ANGPT2: variants seen among roughly 807,000 people sequenced by gnomAD.
ANGPT2 encodes the protein angiopoietin-2.
ANGPT2 carries 28 observed loss-of-function variants against 62.9 expected under a neutral mutation model. The observed-to-expected ratio is 0.44, with a 90% CI of 0.33 to 0.61. The LOEUF is 0.61. Among genes scored for constraint, ANGPT2 ranks in the 20% least tolerant of loss-of-function variants. The pLI is 0.03. For synonymous variants in ANGPT2, 284 were observed against 207.8 expected, an observed-to-expected ratio of 1.37 and a Z score of -3.15; for missense variants, 727 against 594.9, an observed-to-expected ratio of 1.22 and a Z score of -2.31.
chr8:6,540,404 A>G (rs2129573652), intron 1 of ANGPT2, among the ~76,000 whole-genome samples: 1 of 152,304 alleles, frequency 6.6e-6, no homozygotes, highest in South Asian at 2.1e-4. Context: ...AACCTCATGT[A>G]AATTTCTTTG....
intron 1 of ANGPT2, among the ~76,000 whole-genome samples, chr8:6,543,829 C>G (rs1045773330): frequency 6.6e-6 from 1 of 152,136 alleles, no homozygotes; most frequent in Non-Finnish European, 1.5e-5. Context: ...ATAATTTAAA[C>G]CCCCTGTGTG....
Position 6,559,858 on chromosome 8 carries a change from A to G in ANGPT2, c.288+2789T>C, listed in dbSNP as rs577058711. On this transcript the variant is annotated intron_variant, in intron 1 of 8. Coordinates refer to ENST00000629816, the MANE Select transcript of ANGPT2 (RefSeq NM_001118887.2). ...CAGTGTGTTTTGTGTGCTAGCGATC[A>G]TGAGTTTATCTGATCCTTGTTTAAC... Among the ~76,000 whole-genome samples, 10 of 152,362 alleles carry G rather than the reference A, an allele frequency of 6.6e-5. No homozygotes were observed. In the South Asian group the frequency reaches 1.7e-3, roughly 25 times the overall value.
rs1195079492 is a variant in ANGPT2 at position 6,501,333 on chromosome 8, C to A, written c.*1768G>T. ...ATGGTAGAACACTGTAAGGTGAAGA[C>A]AGACATATAGTAGATGCTAGTTACA... On this transcript the variant is annotated 3_prime_UTR_variant, in exon 9 of 9. Coordinates refer to ENST00000629816, the MANE Select transcript of ANGPT2 (RefSeq NM_001118887.2). The A allele has an allele frequency of 5.9e-5, 9 of 152,144 alleles. No individual in the cohort carries two copies. The highest frequency in any genetic ancestry group is 5.9e-4 in the Admixed American group (9 of 15,278). 9.4% of individuals were successfully genotyped at this position (152,144 alleles called of 1,614,324 possible).
chr8:6,560,183 T>G (rs1365021482), intron 1 of ANGPT2, among the ~76,000 whole-genome samples: 1 of 152,220 alleles, frequency 6.6e-6, no homozygotes, highest in East Asian at 1.9e-4. Context: ...TCTTTCATTT[T>G]TAGTGCTGAT....
intron 1 of ANGPT2, among the ~76,000 whole-genome samples, chr8:6,540,659 T>C (rs908345804): frequency 3.3e-5 from 5 of 152,248 alleles, no homozygotes; most frequent in Admixed American, 3.3e-4. Context: ...AATGACAAAA[T>C]GCTTCTCAGT....
intron 7 of ANGPT2, among the ~76,000 whole-genome samples, 196 bp downstream of exon 7, chr8:6,513,482 A>G (rs575982216): frequency 3.3e-4 from 50 of 151,724 alleles, no homozygotes; most frequent in Admixed American, 1.8e-3. Context: ...ACAGGCGCCC[A>G]CCACCACACC....
At chr8:6,510,383 C>T (rs1260746811) in intron 7 of ANGPT2, among the ~76,000 whole-genome samples, 5 of 152,158 alleles carry the variant, frequency 3.3e-5, no homozygotes, top group African/African-American at 1.2e-4. Context: ...GTACTTGAAG[C>T]ACCAAGATGA....
chr8:6,535,892 CAAA>C (rs373792367), intron 1 of ANGPT2, among the ~76,000 whole-genome samples: 20 of 130,816 alleles, frequency 1.5e-4, no homozygotes, highest in Admixed American at 2.3e-4. Context: ...ACAAAAAATA[CAAA>C]AAAAAAAAAA....
intron 8 of ANGPT2, chr8:6,507,924 C>G (rs943835726): frequency 6.6e-6 from 1 of 152,134 alleles, no homozygotes; most frequent in Non-Finnish European, 1.5e-5. Context: ...TATGTTTGAA[C>G]TCTCAAATGT....
intron 2 of ANGPT2, among the ~76,000 whole-genome samples, chr8:6,530,723 G>C (rs1035702475): frequency 6.6e-6 from 1 of 152,056 alleles, no homozygotes; most frequent in Non-Finnish European, 1.5e-5. Flanking sequence ...GAAAGACCTG[G>C]TAGTCAAGTA....
In ANGPT2 at chr8:6,527,669, T is replaced by C; in HGVS notation, c.452A>G (p.Asn151Ser). 1 of 1,612,176 alleles carries C rather than the reference T, an allele frequency of 6.2e-7. No homozygotes were observed. Among genetic ancestry groups the C allele is most frequent in the Non-Finnish European group, 8.5e-7 (1 of 1,179,304 alleles). ...CTGAAGTTCAAGTCTCGTGGTCTGA[T>C]TTAATACCTAAATGTAACAAAATGA... ...KLTDVEAQVL[N>S]QTTRLELQLL... is the part of the protein sequence containing the mutation. The change falls in exon 3 of 9, where the codon AAT becomes AGT. Residue 151 changes from asparagine to serine, a missense_variant. Coordinates refer to ENST00000629816, the MANE Select transcript of ANGPT2 (RefSeq NM_001118887.2).
chr8:6,504,702 TAGA>T (rs1812926648), intron 8 of ANGPT2, among the ~76,000 whole-genome samples: 1 of 152,156 alleles, frequency 6.6e-6, no homozygotes, highest in African/African-American at 2.4e-5. Flanking sequence ...CTAAGATCTA[TAGA>T]AGAACAAATC....
At chr8:6,522,106 A>G (rs1212949635) in intron 3 of ANGPT2, among the ~76,000 whole-genome samples, 3 of 152,242 alleles carry the variant, frequency 2.0e-5, no homozygotes, top group Admixed American at 6.5e-5. Flanking sequence ...TTGTAATCCC[A>G]GCACTTTGGG....
intron 7 of ANGPT2, among the ~76,000 whole-genome samples, chr8:6,511,331 T>A (rs1237561297): frequency 6.6e-6 from 1 of 152,168 alleles, no homozygotes; most frequent in African/African-American, 2.4e-5. Flanking sequence ...GGGATGATTT[T>A]ATATAACAGT....
intron 3 of ANGPT2, among the ~76,000 whole-genome samples, chr8:6,526,347 T>C (rs147070538): frequency 1.8e-3 from 251 of 143,126 alleles, no homozygotes; most frequent in African/African-American, 6.4e-3. Flanking sequence ...CATGGGAGAA[T>C]CACCTGAGCC....
intron 1 of ANGPT2, among the ~76,000 whole-genome samples, chr8:6,544,617 A>G (rs947622724): frequency 2.6e-5 from 4 of 152,212 alleles, no homozygotes; most frequent in Admixed American, 2.0e-4. Flanking sequence ...AAGAACCGAC[A>G]TGCACAACTT....
At chr8:6,525,964 G>C (rs1246660447) in intron 3 of ANGPT2, among the ~76,000 whole-genome samples, 4 of 152,212 alleles carry the variant, frequency 2.6e-5, no homozygotes, top group Admixed American at 1.3e-4. Flanking sequence ...CCCAAGTGGG[G>C]AAACAGTATT....
In ANGPT2 at chr8:6,527,767, A is replaced by T. The variant is rs371132806; in HGVS notation, c.445-91T>A. On this transcript the variant is annotated intron_variant, in intron 2 of 8. Transcript: ENST00000629816. ...TTCATTAAAGTACCCAAGCTACAGGAAAACATAACAAAAACATTATTTATT... is the reference window on the plus strand; with the variant it reads ...TTCATTAAAGTACCCAAGCTACAGGTAAACATAACAAAAACATTATTTATT... 1.3e-5 allele frequency: 15 copies of T among 1,179,662 alleles called. No individual in the cohort carries two copies. In the African/African-American group the frequency reaches 1.7e-4, roughly 14 times the overall value. The allele number at this position is 1,179,662 out of a possible 1,614,324, so 73.1% of individuals were successfully genotyped here. A position where few individuals can be genotyped will look rare whatever the true frequency, so the allele number is the denominator to read the frequency against.
At position 6,502,710 on chromosome 8, in the gene ANGPT2, C is replaced by T. The variant is rs1586157808; in HGVS notation, c.*391G>A. ...ATTTACACAGTGTATAAACAGTGCT[C>T]AGAAGAATGCAGTTCCAAGATGATC... is the stretch of plus-strand genomic sequence containing the variant. On this transcript the variant is annotated 3_prime_UTR_variant, in exon 9 of 9. Transcript: ENST00000629816. The T allele has an allele frequency of 4.9e-6, 1 of 204,128 alleles. No homozygotes were observed. Among genetic ancestry groups the T allele is most frequent in the South Asian group, 1.1e-4 (1 of 9,492 alleles). The allele number at this position is 204,128 out of a possible 1,614,324, so 12.6% of individuals were successfully genotyped here.
Sources: gnomAD v4.1 joint callset for allele counts (sites outside exome capture counted in the v4.1 genomes callset) on GRCh38, gnomAD v4.1.1 for gene constraint, MANE v1.5 for transcripts, NCBI Gene and HGNC (gene_info 2026-07-23, HGNC 2026-07-21) for gene names.